DCC: variants seen among roughly 807,000 people sequenced by gnomAD.
DCC encodes the protein netrin receptor DCC.
DCC carries 58 observed loss-of-function variants against 172.5 expected under a neutral mutation model. That is an observed-to-expected ratio of 0.34 (90% CI 0.27 to 0.42). The LOEUF (loss-of-function observed/expected upper bound fraction) is 0.42. Ranked by LOEUF, DCC falls within the 10% of genes least tolerant of loss-of-function variation. DCC has a pLI of 1.00. For missense variants in DCC, 1,740 were observed against 1,791.0 expected, an observed-to-expected ratio of 0.97 and a Z score of 0.51; for synonymous variants, 709 against 644.5, an observed-to-expected ratio of 1.10 and a Z score of -1.52.
At chr18:52,895,385 A>G (rs773464064) in intron 2 of DCC, among the ~76,000 whole-genome samples, 4 of 152,220 alleles carry the variant, frequency 2.6e-5, no homozygotes, top group African/African-American at 4.8e-5. Flanking sequence ...CATGCAGAAG[A>G]ATTAAAATTA....
chr18:52,820,866 C>G (rs1311993842), intron 2 of DCC, among the ~76,000 whole-genome samples: 6 of 152,172 alleles, frequency 3.9e-5, no homozygotes, highest in Non-Finnish European at 7.3e-5. Flanking sequence ...GAGCCTGGAA[C>G]CTCCCTTCCA....
At chr18:53,015,012 A>G (rs1182397798) in intron 5 of DCC, among the ~76,000 whole-genome samples, 2 of 152,182 alleles carry the variant, frequency 1.3e-5, no homozygotes, top group East Asian at 3.9e-4. Context: ...AGACTCTACT[A>G]AGGGAAGGAA....
chr18:52,894,556 T>C (rs2039700669), intron 2 of DCC, among the ~76,000 whole-genome samples: 1 of 151,880 alleles, frequency 6.6e-6, no homozygotes, highest in Non-Finnish European at 1.5e-5. Context: ...GAGAAAGAGA[T>C]TGATCACAAG....
At chr18:52,817,115 ATTAC>A (rs2145262348) in intron 2 of DCC, among the ~76,000 whole-genome samples, 1 of 152,322 alleles carries the variant, frequency 6.6e-6, no homozygotes, top group Admixed American at 6.5e-5. Flanking sequence ...GTTGACAATT[ATTAC>A]TTAAGATAAT....
At chr18:52,866,744 C>A (rs1213675702) in intron 2 of DCC, among the ~76,000 whole-genome samples, 1 of 152,152 alleles carries the variant, frequency 6.6e-6, no homozygotes, top group Non-Finnish European at 1.5e-5. Flanking sequence ...TATCCGGAGA[C>A]TTTGCTGAAG....
chr18:53,181,277 T>G (rs1484042866), intron 9 of DCC, among the ~76,000 whole-genome samples: 5 of 152,210 alleles, frequency 3.3e-5, no homozygotes, highest in African/African-American at 1.2e-4. Flanking sequence ...ATGATTACAT[T>G]GCATTTCTGA....
chr18:53,513,193 T>A (rs1034735014), intron 27 of DCC, among the ~76,000 whole-genome samples: 11 of 152,154 alleles, frequency 7.2e-5, no homozygotes, highest in African/African-American at 2.4e-4. Context: ...AACCCAGAAT[T>A]TCATATCCAG....
chr18:53,495,977 C>A lies in DCC; in HGVS notation c.3899-3321C>A, dbSNP rs190442009. Among the ~76,000 whole-genome samples, 37 of 152,272 alleles carry A rather than the reference C, an allele frequency of 2.4e-4. No individual in the cohort carries two copies. In the East Asian group the frequency reaches 6.0e-3, roughly 25 times the overall value. ...CCAGTCAGGGACTTATAGGTAAAAA[C>A]CCCATCTCCCTGGGACAGAGCACCT... On this transcript the variant is annotated intron_variant, in intron 26 of 28. Coordinates refer to ENST00000442544, the MANE Select transcript of DCC (RefSeq NM_005215.4).
intron 7 of DCC, among the ~76,000 whole-genome samples, chr18:53,124,494 C>A (rs1441251535): frequency 6.6e-6 from 1 of 152,002 alleles, no homozygotes; most frequent in Admixed American, 6.6e-5. Flanking sequence ...GGAAAATTTG[C>A]CCCCTGCTTG....
At chr18:52,900,507 A>G (rs1449106246) in intron 2 of DCC, among the ~76,000 whole-genome samples, 6 of 152,194 alleles carry the variant, frequency 3.9e-5, no homozygotes, top group Non-Finnish European at 7.3e-5. Flanking sequence ...GTTGACATCA[A>G]TATAATTTTT....
chr18:53,224,673 A>G (rs978276874), intron 12 of DCC, among the ~76,000 whole-genome samples: 3 of 152,252 alleles, frequency 2.0e-5, no homozygotes, highest in East Asian at 1.9e-4. Flanking sequence ...TCTAGAGCCA[A>G]CAAAATTGGT....
intron 1 of DCC, among the ~76,000 whole-genome samples, chr18:52,584,328 C>T (rs1472343501): frequency 2.0e-5 from 3 of 151,830 alleles, no homozygotes; most frequent in Admixed American, 1.3e-4. Flanking sequence ...GCTCATTGGA[C>T]GAATGTTTAG....
At chr18:52,756,443 C>T (rs1358623576) in intron 2 of DCC, among the ~76,000 whole-genome samples, 1 of 152,182 alleles carries the variant, frequency 6.6e-6, no homozygotes, top group African/African-American at 2.4e-5. Context: ...ACTCCTCCTC[C>T]TTCTTCACTG....
intron 1 of DCC, among the ~76,000 whole-genome samples, chr18:52,464,295 T>C (rs28481856): frequency 4.7e-4 from 72 of 152,252 alleles, no homozygotes; most frequent in African/African-American, 1.6e-3. Context: ...TCAAAAGGCA[T>C]GTAGCTGGGG....
At chr18:52,668,985 C>T (rs561454801) in intron 1 of DCC, among the ~76,000 whole-genome samples, 5 of 152,294 alleles carry the variant, frequency 3.3e-5, no homozygotes, top group South Asian at 4.1e-4. Context: ...GAGTAATTCA[C>T]GCAGAGCTGG....
At chr18:53,279,916 A>G (rs1355191501) in intron 12 of DCC, among the ~76,000 whole-genome samples, 1 of 152,004 alleles carries the variant, frequency 6.6e-6, no homozygotes, top group African/African-American at 2.4e-5. Context: ...GACTAGAACA[A>G]CGGACACTGG....
At chr18:53,265,230 C>A (rs1279465752) in intron 12 of DCC, among the ~76,000 whole-genome samples, 1 of 152,140 alleles carries the variant, frequency 6.6e-6, no homozygotes, top group Non-Finnish European at 1.5e-5. Flanking sequence ...TTAGCTGTAA[C>A]CTGGTTCAGT....
At chr18:52,458,650 A>G (rs1246844195) in intron 1 of DCC, among the ~76,000 whole-genome samples, 1 of 152,192 alleles carries the variant, frequency 6.6e-6, no homozygotes, top group Non-Finnish European at 1.5e-5. Context: ...TTCATTCAGA[A>G]TAAAGAATAC....
chr18:52,569,105 A>G (rs1038528257), intron 1 of DCC, among the ~76,000 whole-genome samples: 1 of 152,224 alleles, frequency 6.6e-6, no homozygotes. Context: ...AAGATAGATC[A>G]TAACAGGATT....
Sources: gnomAD v4.1 joint callset for allele counts (sites outside exome capture counted in the v4.1 genomes callset) on GRCh38, gnomAD v4.1.1 for gene constraint, MANE v1.5 for transcripts, NCBI Gene and HGNC (gene_info 2026-07-23, HGNC 2026-07-21) for gene names.